Variants in TM6SF1 observed in about 807,000 individuals in gnomAD.
TM6SF1 encodes transmembrane 6 superfamily member 1.
Under a neutral mutation model 47.1 loss-of-function variants are expected in TM6SF1, and 43 were observed. That is an observed-to-expected ratio of 0.91 (90% CI 0.72 to 1.18). TM6SF1 has a LOEUF of 1.18. TM6SF1 is among the 50% of genes most tolerant of loss of function. The pLI, the probability that TM6SF1 is intolerant of heterozygous loss-of-function variation, is 0.00. For missense variants in TM6SF1, 390 were observed against 449.0 expected, an observed-to-expected ratio of 0.87 and a Z score of 1.19; for synonymous variants, 177 against 166.3, an observed-to-expected ratio of 1.06 and a Z score of -0.49.
intron 9 of TM6SF1, chr15:83,128,328 A>G (rs1316417129): frequency 2.0e-5 from 3 of 152,172 alleles, no homozygotes; most frequent in Admixed American, 2.0e-4. Flanking sequence ...AAATCCTTTC[A>G]GTTTGAGGTA....
chr15:83,130,995 G>A (rs2036191871), intron 9 of TM6SF1: 1 of 152,232 alleles, frequency 6.6e-6, no homozygotes, highest in South Asian at 2.1e-4. Context: ...GAAGGCTGAG[G>A]TGGGAGGATC....
chr15:83,122,422 T>C (rs1185671093), intron 5 of TM6SF1, among the ~76,000 whole-genome samples: 4 of 152,234 alleles, frequency 2.6e-5, no homozygotes, highest in African/African-American at 9.6e-5. Flanking sequence ...TAGATATAGA[T>C]ATAGGGAGAT....
chr15:83,124,843 T>C (rs1489580371), intron 7 of TM6SF1, 67 bp downstream of exon 7: 3 of 1,335,934 alleles, frequency 2.2e-6, no homozygotes, highest in Admixed American at 3.6e-5. Context: ...GGAAAAAAAC[T>C]TAGAAATATG....
rs1375400822 is a variant in TM6SF1 at position 83,127,298 on chromosome 15, T to C, written c.802-60T>C. 3.2e-4 allele frequency: 469 copies of C among 1,487,940 alleles called. 3 individuals carry two copies. The highest frequency in any genetic ancestry group is 2.5e-5 in the Non-Finnish European group (28 of 1,119,942). 92.2% of individuals were successfully genotyped at this position (1,487,940 alleles called of 1,614,324 possible). A position where few individuals can be genotyped will look rare whatever the true frequency, so the allele number is the denominator to read the frequency against. ...TGAAAATGTTTACTTTTTTGTACTT[T>C]TTAGTCAGGCCAAGTTAACTGCCAA... On this transcript the variant is annotated intron_variant, in intron 8 of 9. Transcript: ENST00000322019.
intron 9 of TM6SF1, 104 bp from the exon 10 acceptor site, chr15:83,136,377 T>C: frequency 1.0e-6 from 1 of 966,344 alleles, no homozygotes; most frequent in Admixed American, 3.2e-5. Context: ...GAGACTGGTT[T>C]TGAGGGCACA....
intron 3 of TM6SF1, among the ~76,000 whole-genome samples, chr15:83,117,506 G>C (rs148979817): frequency 3.7e-4 from 57 of 152,324 alleles, no homozygotes; most frequent in African/African-American, 1.2e-3. Context: ...TGGACCATGG[G>C]GGGCAGGCCA....
chr15:83,109,057 G>A (rs2033919135), intron 1 of TM6SF1, among the ~76,000 whole-genome samples: 1 of 152,252 alleles, frequency 6.6e-6, no homozygotes, highest in African/African-American at 2.4e-5. Context: ...AAGTGTTGGT[G>A]ACATAGCTAT....
intron 2 of TM6SF1, chr15:83,115,454 C>T: frequency 2.7e-6 from 1 of 367,352 alleles, no homozygotes; most frequent in Non-Finnish European, 5.3e-6. Context: ...CACTTCTATG[C>T]TTCCTTGGCC....
intron 7 of TM6SF1, 98 bp from the exon 8 acceptor site, chr15:83,126,652 CAGCAA>C: frequency 2.2e-6 from 2 of 904,516 alleles, no homozygotes; most frequent in East Asian, 2.5e-5. Flanking sequence ...TTTTGTTAAA[CAGCAA>C]AGCAGCTTGT....
In TM6SF1 at chr15:83,107,857, G is replaced by A. The variant is rs1596458376; in HGVS notation, c.92+85G>A. On this transcript the variant is annotated intron_variant, in intron 1 of 9. Coordinates refer to ENST00000322019, the MANE Select transcript of TM6SF1 (RefSeq NM_023003.5). The surrounding 1 kb of genome is among the most constrained non-coding windows in gnomAD (Gnocchi z 5.6). Reference sequence around the variant, plus strand: ...ACGGGAGCCTCGCAACTTTTCCGAGGGGGCTGGGACCGTCCGCCGCGGGAC... The same window carrying A: ...ACGGGAGCCTCGCAACTTTTCCGAGAGGGCTGGGACCGTCCGCCGCGGGAC... The A allele has an allele frequency of 4.7e-6, 7 of 1,483,878 alleles. No homozygotes were observed. The East Asian group carries it at 2.0e-4, about 43-fold the overall frequency. 91.9% of individuals were successfully genotyped at this position (1,483,878 alleles called of 1,614,324 possible). A position where few individuals can be genotyped will look rare whatever the true frequency, so the allele number is the denominator to read the frequency against.
chr15:83,122,102 TC>T, intron 5 of TM6SF1, 99 bp downstream of exon 5: 1 of 972,348 alleles, frequency 1.0e-6, no homozygotes, highest in Non-Finnish European at 1.6e-6. Flanking sequence ...ACCAAGTGAT[TC>T]CAAGCTTACT....
At chr15:83,135,913 G>A (rs1228787657) in intron 9 of TM6SF1, 1 of 152,036 alleles carries the variant, frequency 6.6e-6, no homozygotes, top group African/African-American at 2.4e-5. Flanking sequence ...ATGAATAAAT[G>A]AATAAACAAA....
chr15:83,119,858 T>C lies in TM6SF1; in HGVS notation c.398+177T>C, dbSNP rs2035059018. On this transcript the variant is annotated intron_variant, in intron 4 of 9. Coordinates refer to ENST00000322019, the MANE Select transcript of TM6SF1 (RefSeq NM_023003.5). ...TCCTTGTACCACTGCCTTTTGAATA[T>C]GTCCTTCTGAATTGCTCCCTAGCAT... is the stretch of plus-strand genomic sequence containing the variant. 1.9e-5 allele frequency: 18 copies of C among 942,226 alleles called. No homozygotes were observed. The South Asian group carries it at 3.3e-4, about 17-fold the overall frequency. The allele number at this position is 942,226 out of a possible 1,614,324, so 58.4% of individuals were successfully genotyped here.
rs1400799220 is a variant in TM6SF1 at position 83,124,893 on chromosome 15, CCATTCCTCCCATCA to C, written c.708+118_708+131del. The stretch of plus-strand genomic sequence containing the variant: ...TCAGACTTCTTAGCAAACTAACAAA[CCATTCCTCCCATCA>C]AAGCCTGGAGCCCTGGACCTGCTTC... On this transcript the variant is annotated intron_variant, in intron 7 of 9. Transcript: ENST00000322019. 3.5e-6 allele frequency: 3 copies of C among 861,212 alleles called. No individual in the cohort carries two copies. The Admixed American group carries it at 7.0e-5, about 20-fold the overall frequency. The allele number at this position is 861,212 out of a possible 1,614,324, so 53.3% of individuals were successfully genotyped here.
Position 83,118,892 on chromosome 15 carries a change from T to G in TM6SF1, c.295-686T>G, listed in dbSNP as rs547312476. 1.4e-4 allele frequency among the ~76,000 whole-genome samples: 22 copies of G among 152,308 alleles called. 1 individual carries two copies. In the South Asian group the frequency reaches 4.6e-3, roughly 32 times the overall value. ...AGTTCGTCATATAATCTTGTGTTCA[T>G]AACATTAACATTTGCCCAGGAGAAG... is the stretch of plus-strand genomic sequence containing the variant. On this transcript the variant is annotated intron_variant, in intron 3 of 9. Transcript: ENST00000322019.
At chr15:83,122,624 A>T in intron 5 of TM6SF1, 133 bp from the exon 6 acceptor site, 1 of 887,872 alleles carries the variant, frequency 1.1e-6, no homozygotes, top group Non-Finnish European at 1.7e-6. Flanking sequence ...TGACCTTTTT[A>T]ATTTGGCCTC....
intron 9 of TM6SF1, chr15:83,133,585 C>A (rs186834163): frequency 6.6e-6 from 1 of 152,286 alleles, no homozygotes; most frequent in Non-Finnish European, 1.5e-5. Flanking sequence ...TTGCTAAATT[C>A]TGGAGAAATT....
chr15:83,116,091 C>T, intron 3 of TM6SF1, 149 bp downstream of exon 3: 1 of 643,810 alleles, frequency 1.6e-6, no homozygotes, highest in South Asian at 2.0e-5. Flanking sequence ...CGCTTAGTCA[C>T]ATGGAAAGTG....
intron 9 of TM6SF1, chr15:83,129,006 T>A (rs903566990): frequency 2.6e-5 from 4 of 152,164 alleles, no homozygotes; most frequent in East Asian, 1.9e-4. Flanking sequence ...AATTTTTAAA[T>A]TTTTTAAAGA....
Sources: allele counts gnomAD v4.1 joint callset (sites outside exome capture counted in the v4.1 genomes callset), GRCh38; gene constraint gnomAD v4.1.1; non-coding constraint Gnocchi (gnomAD v3.1); transcripts MANE v1.5; gene names NCBI Gene and HGNC (gene_info 2026-07-23, HGNC 2026-07-21).